GPHN: variants seen among roughly 807,000 people sequenced by gnomAD.
The protein encoded by GPHN is gephyrin.
In GPHN, 17 loss-of-function variants were observed where a neutral mutation model predicts 95.5. The observed-to-expected ratio is 0.18, with a 90% confidence interval of 0.12 to 0.27. The LOEUF is 0.27. GPHN is among the 10% of genes least tolerant of loss of function. The pLI is 1.00. For missense variants in GPHN, 660 were observed against 978.1 expected (o/e 0.67, Z 4.34); for synonymous variants, 320 against 322.5 (o/e 0.99, Z 0.08).
intron 1 of GPHN, among the ~76,000 whole-genome samples, chr14:66,630,748 AGGC>A (rs2063763689): frequency 1.3e-5 from 2 of 152,176 alleles, no homozygotes; most frequent in Non-Finnish European, 2.9e-5. Context: ...CTGAGATTAC[AGGC>A]GTGAGCCACT....
At chr14:67,182,444 TAAAG>T (rs1001100486), downstream of GPHN, among the ~76,000 whole-genome samples, 10 of 152,066 alleles carry the variant, frequency 6.6e-5, no homozygotes, top group Admixed American at 2.6e-4. Flanking sequence ...GGATGGTAAA[TAAAG>T]GCAAAATAGT....
intron 2 of GPHN, among the ~76,000 whole-genome samples, chr14:66,770,106 G>A (rs1460024225): frequency 6.6e-6 from 1 of 152,028 alleles, no homozygotes; most frequent in Non-Finnish European, 1.5e-5. Context: ...TCTCATGATT[G>A]TTGGCTGTAT....
intron 10 of GPHN, among the ~76,000 whole-genome samples, chr14:67,042,662 T>A (rs137925934): frequency 0.019 from 2,918 of 152,296 alleles, 37 homozygotes; most frequent in Middle Eastern, 0.034. Context: ...TCAGGTAGCG[T>A]GATGTCTCCA....
At chr14:66,804,838 G>A (rs1434289306) in intron 3 of GPHN, among the ~76,000 whole-genome samples, 1 of 152,084 alleles carries the variant, frequency 6.6e-6, no homozygotes, top group African/African-American at 2.4e-5. Context: ...TTACCCTGCT[G>A]TGACATTTTG....
At chr14:67,578,552 C>T in the GPHN span, 3 of 1,610,874 alleles carry the variant, frequency 1.9e-6, no homozygotes, top group Non-Finnish European at 2.5e-6. This position sits in a 1 kb window ranked among gnomAD's most constrained non-coding sequence, Gnocchi z 5.0. Context: ...GCTCCTCGCT[C>T]TGTGTGCTCC....
the GPHN span, chr14:67,338,741 C>A: frequency 6.2e-7 from 1 of 1,612,834 alleles, no homozygotes; most frequent in Admixed American, 1.7e-5. Context: ...GAATCTTTTT[C>A]TTCTCTTGTA....
At chr14:67,348,347 G>T in the GPHN span, among the ~76,000 whole-genome samples, 2 of 152,010 alleles carry the variant, frequency 1.3e-5, no homozygotes, top group African/African-American at 4.8e-5. Flanking sequence ...TGGGATTACA[G>T]GTGTGAGCCA....
At chr14:67,089,616 A>G (rs985893735) in intron 12 of GPHN, among the ~76,000 whole-genome samples, 4 of 152,174 alleles carry the variant, frequency 2.6e-5, no homozygotes, top group Non-Finnish European at 5.9e-5. Context: ...CTAGTTGAAA[A>G]CATCTGATGG....
chr14:67,374,324 C>A, the GPHN span: 1 of 464,762 alleles, frequency 2.2e-6, no homozygotes. Context: ...CCTTGTAATA[C>A]TTATGCAGTA....
the GPHN span, among the ~76,000 whole-genome samples, chr14:67,545,218 C>A: frequency 4.6e-5 from 7 of 152,174 alleles, no homozygotes; most frequent in South Asian, 1.5e-3. Flanking sequence ...AGGTTTCATA[C>A]CTTTCTTCTG....
the GPHN span, among the ~76,000 whole-genome samples, chr14:67,244,188 A>G: frequency 6.6e-6 from 1 of 152,178 alleles, no homozygotes; most frequent in Non-Finnish European, 1.5e-5. Flanking sequence ...AATATTTCAA[A>G]CAATGTTTAA....
intron 1 of GPHN, among the ~76,000 whole-genome samples, chr14:66,561,122 T>C (rs2060219094): frequency 2.6e-5 from 4 of 152,184 alleles, no homozygotes. Flanking sequence ...AGCTTTTTGA[T>C]GTGCTGCTGG....
the GPHN span, chr14:67,301,434 C>T: frequency 1.2e-6 from 2 of 1,610,708 alleles, no homozygotes; most frequent in Admixed American, 3.3e-5. Context: ...AGGACAAGAA[C>T]TAACTGCTTT....
the GPHN span, among the ~76,000 whole-genome samples, chr14:67,720,050 C>T: frequency 6.6e-6 from 1 of 152,202 alleles, no homozygotes; most frequent in Admixed American, 6.5e-5. Flanking sequence ...CTCCCACGAG[C>T]AATGCATCAG....
chr14:66,597,924 A>G (rs562618677), intron 1 of GPHN, among the ~76,000 whole-genome samples: 1 of 152,318 alleles, frequency 6.6e-6, no homozygotes, highest in Non-Finnish European at 1.5e-5. Context: ...CATGTTATAT[A>G]TACACAGTGA....
chr14:67,485,334 A>G, the GPHN span, among the ~76,000 whole-genome samples: 3 of 152,158 alleles, frequency 2.0e-5, no homozygotes, highest in Non-Finnish European at 2.9e-5. Flanking sequence ...TCAAGAACAC[A>G]CTTCCTGAGA....
chr14:67,361,464 T>G, the GPHN span, among the ~76,000 whole-genome samples: 1 of 152,266 alleles, frequency 6.6e-6, no homozygotes, highest in Admixed American at 6.5e-5. Context: ...GCTTTACTTA[T>G]GTAGCACTCC....
intron 5 of GPHN, 73 bp from the exon 6 acceptor site, chr14:66,915,930 T>A: frequency 1.2e-6 from 1 of 842,294 alleles, no homozygotes; most frequent in Non-Finnish European, 2.1e-6. Context: ...AAATGATTGT[T>A]ATTTGTTCTT....
chr14:66,659,075 G>A (rs2153372372), intron 1 of GPHN, among the ~76,000 whole-genome samples: 1 of 151,594 alleles, frequency 6.6e-6, no homozygotes, highest in South Asian at 2.1e-4. Flanking sequence ...TGCACTTATT[G>A]CTATATTGTC....
Sources: allele counts gnomAD v4.1 joint callset (sites outside exome capture counted in the v4.1 genomes callset), GRCh38; gene constraint gnomAD v4.1.1; non-coding constraint Gnocchi (gnomAD v3.1); transcripts MANE v1.5; gene names NCBI Gene and HGNC (gene_info 2026-07-23, HGNC 2026-07-21).